Variants in HECW2 observed in about 807,000 individuals in gnomAD.
HECW2 encodes E3 ubiquitin-protein ligase HECW2.
Under a neutral mutation model 175.2 loss-of-function variants are expected in HECW2, and 61 were observed. The ratio of observed to expected loss-of-function variants is 0.35; its 90% CI spans 0.28 to 0.43. HECW2 has a LOEUF of 0.43. Ranked by LOEUF, HECW2 falls within the 20% of genes least tolerant of loss-of-function variation. HECW2 has a pLI of 1.00. For missense variants in HECW2, 1,524 were observed against 2,000.5 expected (o/e 0.76, Z 4.54); for synonymous variants, 671 against 731.0 (o/e 0.92, Z 1.32).
At chr2:196,212,665 A>G (rs1434230042) in intron 28 of HECW2, among the ~76,000 whole-genome samples, 1 of 152,178 alleles carries the variant, frequency 6.6e-6, no homozygotes, top group Middle Eastern at 3.2e-3. Flanking sequence ...ATACACATGC[A>G]TGTGTCTTAT....
intron 4 of HECW2, among the ~76,000 whole-genome samples, chr2:196,332,552 A>G (rs1434008833): frequency 6.6e-6 from 1 of 152,236 alleles, no homozygotes; most frequent in Non-Finnish European, 1.5e-5. Flanking sequence ...TCTCCAAACT[A>G]TCCACAGGCT....
intron 1 of HECW2, among the ~76,000 whole-genome samples, chr2:196,571,546 T>C (rs766725616): frequency 4.6e-5 from 7 of 151,886 alleles, no homozygotes; most frequent in Non-Finnish European, 7.4e-5. Flanking sequence ...CCAAGTCTAC[T>C]AAAAATACAA....
chr2:196,425,620 A>G (rs916320928), intron 2 of HECW2, among the ~76,000 whole-genome samples: 4 of 152,256 alleles, frequency 2.6e-5, no homozygotes, highest in Middle Eastern at 3.4e-3. Flanking sequence ...AGAAATAGCA[A>G]GAGAACTAGA....
chr2:196,292,938 A>G (rs942683128), intron 13 of HECW2, among the ~76,000 whole-genome samples, 188 bp from the exon 14 acceptor site: 1 of 152,224 alleles, frequency 6.6e-6, no homozygotes, highest in African/African-American at 2.4e-5. Context: ...TGAAACATAA[A>G]GACTACAGAA....
chr2:196,275,767 T>C (rs1040719427), intron 15 of HECW2, among the ~76,000 whole-genome samples: 22 of 150,882 alleles, frequency 1.5e-4, no homozygotes, highest in Middle Eastern at 6.4e-3. Context: ...AAAAAAAGAA[T>C]GCAGGAAATG....
intron 2 of HECW2, among the ~76,000 whole-genome samples, chr2:196,359,267 G>T (rs1273045562): frequency 6.6e-6 from 1 of 152,142 alleles, no homozygotes; most frequent in African/African-American, 2.4e-5. Context: ...GGCCAACATG[G>T]TGAAATCCTG....
At chr2:196,342,506 T>G (rs938390866) in intron 3 of HECW2, among the ~76,000 whole-genome samples, 2 of 147,556 alleles carry the variant, frequency 1.4e-5, no homozygotes, top group African/African-American at 5.2e-5. Context: ...TTCTTCTATA[T>G]ATTCCACAAA....
intron 1 of HECW2, among the ~76,000 whole-genome samples, chr2:196,548,348 AGAAG>A (rs1689492932): frequency 6.6e-6 from 1 of 151,668 alleles, no homozygotes; most frequent in Non-Finnish European, 1.5e-5. Flanking sequence ...AAAAAAGAAA[AGAAG>A]AAAAAGAAAA....
intron 1 of HECW2, among the ~76,000 whole-genome samples, chr2:196,533,053 C>T (rs1263768407): frequency 6.6e-6 from 1 of 152,074 alleles, no homozygotes; most frequent in Non-Finnish European, 1.5e-5. Flanking sequence ...GTGTGGAGAC[C>T]AACTGAATTT....
intron 20 of HECW2, among the ~76,000 whole-genome samples, chr2:196,240,886 C>T (rs937008386): frequency 5.3e-5 from 8 of 152,078 alleles, no homozygotes; most frequent in Admixed American, 2.6e-4. Context: ...CACACACCGC[C>T]CCCCGCCCAT....
chr2:196,207,272 G>A (rs114622077), intron 28 of HECW2, among the ~76,000 whole-genome samples: 72 of 152,302 alleles, frequency 4.7e-4, no homozygotes, highest in African/African-American at 1.6e-3. Flanking sequence ...ATTCAAGGGC[G>A]TGAAATCAGC....
intron 1 of HECW2, among the ~76,000 whole-genome samples, chr2:196,576,559 G>T (rs1203392707): frequency 6.6e-6 from 1 of 152,094 alleles, no homozygotes; most frequent in Admixed American, 6.6e-5. Flanking sequence ...TTGGGAAGGT[G>T]GGGAAAATGG....
At chr2:196,202,829 A>G (rs1559431001) in intron 28 of HECW2, among the ~76,000 whole-genome samples, 3 of 152,314 alleles carry the variant, frequency 2.0e-5, no homozygotes, top group African/African-American at 4.8e-5. Context: ...AGTGCTTTGG[A>G]TTTCAGATTT....
chr2:196,220,089 G>A lies in HECW2; in HGVS notation c.4358C>T (p.Thr1453Ile), dbSNP rs749910927. The change falls in exon 26 of 29, where the codon ACA becomes ATA. Residue 1453 changes from threonine (T) to isoleucine (I), a missense_variant. Coordinates refer to ENST00000644978, the MANE Select transcript of HECW2 (RefSeq NM_001348768.2). The stretch of plus-strand genomic sequence containing the variant: ...CCAATCACTTAGGTCTATTTCAGCT[G>A]TGCCTGCGATGACCAATTCCAGTTC... ...ARELELVIAG[T>I]AEIDLSDWRN... 1 of 1,613,562 alleles carries A rather than the reference G, an allele frequency of 6.2e-7. No homozygotes were observed. Among genetic ancestry groups the A allele is most frequent in the Non-Finnish European group, 8.5e-7 (1 of 1,179,760 alleles).
intron 1 of HECW2, among the ~76,000 whole-genome samples, chr2:196,445,478 TTG>T (rs1188164354): frequency 6.6e-6 from 1 of 152,178 alleles, no homozygotes; most frequent in Non-Finnish European, 1.5e-5. Context: ...TATAGGTAAA[TTG>T]TGTGTCACTA....
intron 14 of HECW2, among the ~76,000 whole-genome samples, chr2:196,286,366 T>C (rs1219146128): frequency 7.9e-6 from 1 of 126,156 alleles, no homozygotes; most frequent in African/African-American, 3.0e-5. Context: ...TATTCATATA[T>C]ATATATTTTA....
rs1575241603 is a variant in HECW2 at position 196,220,711 on chromosome 2, T to C, written c.4293+84A>G. 5 of 1,382,216 alleles carry C rather than the reference T, an allele frequency of 3.6e-6. No individual in the cohort carries two copies. In the East Asian group the frequency reaches 1.1e-4, roughly 32 times the overall value. 85.6% of individuals were successfully genotyped at this position (1,382,216 alleles called of 1,614,324 possible). A position where few individuals can be genotyped will look rare whatever the true frequency, so the allele number is the denominator to read the frequency against. On this transcript the variant is annotated intron_variant, in intron 25 of 28. Coordinates refer to ENST00000644978, the MANE Select transcript of HECW2 (RefSeq NM_001348768.2). ...GCAACAGTAAATACAGCAGAAATAG[T>C]CTACACATGTAAAGTACAATAAGAT...
At chr2:196,250,522 T>A (rs1209415610) in intron 19 of HECW2, among the ~76,000 whole-genome samples, 1 of 152,162 alleles carries the variant, frequency 6.6e-6, no homozygotes, top group Non-Finnish European at 1.5e-5. Context: ...AGATTCAGGC[T>A]CAGGGAAGGA....
intron 2 of HECW2, among the ~76,000 whole-genome samples, chr2:196,401,950 C>T (rs1369562476): frequency 1.3e-5 from 2 of 152,018 alleles, no homozygotes; most frequent in African/African-American, 4.8e-5. Context: ...CCTGTAATCC[C>T]AGCACTTTGG....
Sources: gnomAD v4.1 joint callset for allele counts (sites outside exome capture counted in the v4.1 genomes callset) on GRCh38, gnomAD v4.1.1 for gene constraint, MANE v1.5 for transcripts, NCBI Gene and HGNC (gene_info 2026-07-23, HGNC 2026-07-21) for gene names.